Variants in PDZD2 observed in about 807,000 individuals in gnomAD.
The protein encoded by PDZD2 is PDZ domain containing 2.
A neutral mutation model predicts 220.7 loss-of-function variants in PDZD2; 90 were observed. The ratio of observed to expected loss-of-function variants is 0.41; its 90% CI spans 0.34 to 0.49. The LOEUF (loss-of-function observed/expected upper bound fraction) is 0.49. Among genes scored for constraint, PDZD2 ranks in the 20% least tolerant of loss-of-function variants. PDZD2 has a pLI of 0.28. For missense variants in PDZD2, 3,174 were observed against 3,608.5 expected (o/e 0.88, Z 3.08); for synonymous variants, 1,375 against 1,450.5 (o/e 0.95, Z 1.18).
At chr5:31,835,617 CAA>C (rs35183763) in intron 2 of PDZD2, among the ~76,000 whole-genome samples, 3 of 142,826 alleles carry the variant, frequency 2.1e-5, no homozygotes, top group African/African-American at 5.2e-5. Flanking sequence ...CACTCCATCT[CAA>C]AAAAAAAAAA....
chr5:31,999,631 A>G (rs1055571012), intron 4 of PDZD2, among the ~76,000 whole-genome samples: 1 of 152,342 alleles, frequency 6.6e-6, no homozygotes, highest in East Asian at 1.9e-4. Context: ...CGTGTAGTGT[A>G]GTGTGAATCA....
chr5:32,029,266 T>C (rs917098262), intron 6 of PDZD2, among the ~76,000 whole-genome samples: 3 of 141,278 alleles, frequency 2.1e-5, no homozygotes, highest in African/African-American at 7.8e-5. Flanking sequence ...TAGACAGTTG[T>C]CCTAGGCAAG....
intron 2 of PDZD2, among the ~76,000 whole-genome samples, chr5:31,855,590 C>T (rs1283387101): frequency 1.3e-5 from 2 of 152,218 alleles, no homozygotes; most frequent in African/African-American, 4.8e-5. Context: ...GGAAATCTGT[C>T]ATACTGTCCC....
At chr5:32,103,266 A>C (rs982975380) in intron 24 of PDZD2, among the ~76,000 whole-genome samples, 1 of 152,154 alleles carries the variant, frequency 6.6e-6, no homozygotes, top group African/African-American at 2.4e-5. Flanking sequence ...ACAAAAAACA[A>C]GCCTTGTTAG....
chr5:32,046,477 A>G (rs954095083), intron 7 of PDZD2, among the ~76,000 whole-genome samples: 1 of 152,152 alleles, frequency 6.6e-6, no homozygotes, highest in Non-Finnish European at 1.5e-5. Context: ...TCCTGAGCTC[A>G]GGCGATCGGC....
intron 2 of PDZD2, among the ~76,000 whole-genome samples, chr5:31,882,521 T>C (rs1029369574): frequency 3.3e-5 from 5 of 152,214 alleles, no homozygotes; most frequent in Non-Finnish European, 7.3e-5. Context: ...TGGATTATTA[T>C]CCAGACCCTG....
At chr5:31,659,147 TTAAA>T in intron 1 of PDZD2, among the ~76,000 whole-genome samples, 1 of 152,130 alleles carries the variant, frequency 6.6e-6, no homozygotes, top group Non-Finnish European at 1.5e-5. Context: ...TCCTACCTCT[TTAAA>T]TAATACTTAA....
chr5:31,675,071 A>G (rs1746354874), intron 1 of PDZD2, among the ~76,000 whole-genome samples: 1 of 152,238 alleles, frequency 6.6e-6, no homozygotes, highest in African/African-American at 2.4e-5. Context: ...CAGAGCTTAG[A>G]GTAAGAAAAT....
chr5:31,992,437 GTA>G (rs35302605), intron 3 of PDZD2, among the ~76,000 whole-genome samples: 101,571 of 151,284 alleles, frequency 0.67, 34,381 homozygotes, highest in Non-Finnish European at 0.72. Flanking sequence ...TCTTCTGTCA[GTA>G]TATATATATA....
chr5:32,031,347 T>A (rs1260460940), intron 6 of PDZD2, among the ~76,000 whole-genome samples: 1 of 152,218 alleles, frequency 6.6e-6, no homozygotes, highest in Non-Finnish European at 1.5e-5. Flanking sequence ...TCATCATGTA[T>A]TTCTTTATTT....
intron 1 of PDZD2, among the ~76,000 whole-genome samples, chr5:31,720,263 A>T (rs7714218): frequency 0.33 from 50,932 of 152,150 alleles, 8,559 homozygotes; most frequent in East Asian, 0.38. Flanking sequence ...AAAGATGTGC[A>T]GAATCAGAAG....
intron 2 of PDZD2, among the ~76,000 whole-genome samples, chr5:31,877,934 C>A (rs1431341129): frequency 6.6e-6 from 1 of 152,048 alleles, no homozygotes; most frequent in Non-Finnish European, 1.5e-5. Flanking sequence ...GGTGATCCAC[C>A]CACCTTGGCC....
chr5:31,885,476 T>C (rs1010803720), intron 2 of PDZD2, among the ~76,000 whole-genome samples: 4 of 152,048 alleles, frequency 2.6e-5, no homozygotes, highest in East Asian at 1.9e-4. Context: ...TGAACACATA[T>C]TCACTCCAGA....
intron 2 of PDZD2, among the ~76,000 whole-genome samples, chr5:31,954,662 C>T (rs538511415): frequency 6.6e-6 from 1 of 152,182 alleles, no homozygotes; most frequent in Non-Finnish European, 1.5e-5. Context: ...GGCACAGTGA[C>T]TCACACCTGT....
In PDZD2 at chr5:32,074,466, A is replaced by G; in HGVS notation, c.3360A>G (p.Pro1120=). The G allele has an allele frequency of 6.2e-7, 1 of 1,614,118 alleles. No homozygotes were observed. The highest frequency in any genetic ancestry group is 1.1e-5 in the South Asian group (1 of 91,092). ...AAGGCCTGGGCTCCAGGCACAGACC[A>G]GTGGCCAGGGTAAGCCCCCACTGCA... ...KSEGLGSRHR[P]VARVSPHCKR... Residue 1120 remains proline, a synonymous_variant, in exon 18 of 25, where the codon CCA becomes CCG. Coordinates refer to ENST00000438447, the MANE Select transcript of PDZD2 (RefSeq NM_178140.4).
intron 2 of PDZD2, among the ~76,000 whole-genome samples, chr5:31,961,634 G>T (rs1339611295): frequency 4.0e-5 from 6 of 151,800 alleles, no homozygotes; most frequent in African/African-American, 1.5e-4. Context: ...CTTCCTCTCA[G>T]TTGCTTTGTT....
intron 1 of PDZD2, among the ~76,000 whole-genome samples, chr5:31,775,419 T>C (rs1487814984): frequency 6.6e-6 from 1 of 152,084 alleles, no homozygotes; most frequent in Non-Finnish European, 1.5e-5. Flanking sequence ...TTTGACGTAA[T>C]AGAGACAATT....
At chr5:31,918,076 C>T (rs73064472) in intron 2 of PDZD2, among the ~76,000 whole-genome samples, 5,180 of 152,174 alleles carry the variant, frequency 0.034, 320 homozygotes, top group African/African-American at 0.12. Flanking sequence ...CTTAAATGGC[C>T]GGAACAGGAG....
At chr5:32,069,528 TAAATA>T (rs1232913975) in intron 14 of PDZD2, 36 bp from the exon 15 acceptor site, 1 of 1,147,920 alleles carries the variant, frequency 8.7e-7, no homozygotes, top group South Asian at 1.2e-5. Flanking sequence ...GAGAAATAAA[TAAATA>T]AAACCATCTA....
Sources: allele counts gnomAD v4.1 joint callset (sites outside exome capture counted in the v4.1 genomes callset), GRCh38; gene constraint gnomAD v4.1.1; transcripts MANE v1.5; gene names NCBI Gene and HGNC (gene_info 2026-07-23, HGNC 2026-07-21).